Variants in NKAIN2 observed in about 807,000 individuals in gnomAD.
The protein encoded by NKAIN2 is sodium/potassium transporting ATPase interacting 2.
Under a neutral mutation model 32.6 loss-of-function variants are expected in NKAIN2, and 14 were observed. The observed-to-expected ratio is 0.43, with a 90% confidence interval of 0.28 to 0.67. The LOEUF is 0.67. NKAIN2 is among the 30% of genes least tolerant of loss of function. The pLI, the probability that NKAIN2 is intolerant of heterozygous loss-of-function variation, is 0.17. For missense variants in NKAIN2, 198 were observed against 258.3 expected, an observed-to-expected ratio of 0.77 and a Z score of 1.60; for synonymous variants, 80 against 87.2, an observed-to-expected ratio of 0.92 and a Z score of 0.46.
At chr6:124,149,477 G>A (rs1456288620) in intron 1 of NKAIN2, among the ~76,000 whole-genome samples, 1 of 152,142 alleles carries the variant, frequency 6.6e-6, no homozygotes, top group Non-Finnish European at 1.5e-5. Flanking sequence ...AGAGGTCCTG[G>A]TCTAACTGCA....
intron 4 of NKAIN2, among the ~76,000 whole-genome samples, chr6:124,667,347 ATGT>A (rs1259841959): frequency 1.3e-5 from 2 of 152,184 alleles, no homozygotes; most frequent in African/African-American, 2.4e-5. Context: ...TTTGCATACA[ATGT>A]TGTGCAATAA....
At chr6:124,543,781 A>G (rs1344109602) in intron 3 of NKAIN2, among the ~76,000 whole-genome samples, 1 of 152,188 alleles carries the variant, frequency 6.6e-6, no homozygotes, top group Non-Finnish European at 1.5e-5. Flanking sequence ...GGCATCCTCC[A>G]AAACGAGAAG....
intron 3 of NKAIN2, among the ~76,000 whole-genome samples, chr6:124,637,265 C>CA (rs1783807104): frequency 2.0e-5 from 3 of 151,956 alleles, no homozygotes; most frequent in Non-Finnish European, 4.4e-5. Context: ...CAATATAAGA[C>CA]AAAACTACAA....
At chr6:124,814,973 G>C (rs892078354) in intron 5 of NKAIN2, among the ~76,000 whole-genome samples, 3 of 151,756 alleles carry the variant, frequency 2.0e-5, no homozygotes, top group Non-Finnish European at 2.9e-5. Context: ...AGTTTGACTT[G>C]GATCTCAATT....
chr6:124,588,168 T>C (rs1297771826), intron 3 of NKAIN2, among the ~76,000 whole-genome samples: 2 of 152,202 alleles, frequency 1.3e-5, no homozygotes, highest in Admixed American at 6.5e-5. Flanking sequence ...TGTTTAATTA[T>C]TGATGCATAG....
At chr6:123,874,420 C>T (rs765717880) in intron 1 of NKAIN2, among the ~76,000 whole-genome samples, 22 of 151,986 alleles carry the variant, frequency 1.4e-4, no homozygotes, top group African/African-American at 3.9e-4. Flanking sequence ...AGAAGCATGC[C>T]GGCTTGTTTA....
At chr6:124,349,098 C>A (rs570514894) in intron 2 of NKAIN2, among the ~76,000 whole-genome samples, 1 of 152,004 alleles carries the variant, frequency 6.6e-6, no homozygotes, top group East Asian at 1.9e-4. Context: ...AGGAAAAAAC[C>A]GGGTTCTTAT....
chr6:124,171,042 T>G (rs915669960), intron 1 of NKAIN2, among the ~76,000 whole-genome samples: 1 of 152,218 alleles, frequency 6.6e-6, no homozygotes, highest in African/African-American at 2.4e-5. Flanking sequence ...AGGTTTTTTT[T>G]TAGAAAATTT....
In NKAIN2 at chr6:124,748,555, GA is replaced by G. The variant is rs1418776432; in HGVS notation, c.475-42783del. On this transcript the variant is annotated intron_variant, in intron 4 of 6. Transcript: ENST00000368417. ...GTCTTCCCACAAAGGTGATAACAAA[GA>G]TTTTTTTTACAGTTTAAGAGTATCA... 2.6e-5 allele frequency among the ~76,000 whole-genome samples: 4 copies of G among 152,046 alleles called. No individual in the cohort carries two copies. In the South Asian group the frequency reaches 8.3e-4, roughly 31 times the overall value.
intron 3 of NKAIN2, among the ~76,000 whole-genome samples, chr6:124,473,275 A>G (rs1207170581): frequency 6.6e-6 from 1 of 152,114 alleles, no homozygotes; most frequent in Non-Finnish European, 1.5e-5. Flanking sequence ...ATTATGGGAG[A>G]TGAGAGTTGA....
At chr6:124,695,817 C>G (rs1235948056) in intron 4 of NKAIN2, among the ~76,000 whole-genome samples, 2 of 152,104 alleles carry the variant, frequency 1.3e-5, no homozygotes, top group Non-Finnish European at 1.5e-5. Context: ...CTTTTCTCAC[C>G]CATCATAAGG....
At chr6:124,426,721 T>C (rs1405273055) in intron 3 of NKAIN2, among the ~76,000 whole-genome samples, 1 of 152,180 alleles carries the variant, frequency 6.6e-6, no homozygotes, top group Non-Finnish European at 1.5e-5. Context: ...AAATCTCATC[T>C]TGAATTATAG....
At chr6:124,483,619 T>C (rs747613515) in intron 3 of NKAIN2, among the ~76,000 whole-genome samples, 1 of 152,104 alleles carries the variant, frequency 6.6e-6, no homozygotes, top group Non-Finnish European at 1.5e-5. Flanking sequence ...TAAATAAGTA[T>C]GAATAAAAAG....
intron 3 of NKAIN2, among the ~76,000 whole-genome samples, chr6:124,624,579 T>C (rs1423075406): frequency 6.6e-6 from 1 of 152,182 alleles, no homozygotes; most frequent in African/African-American, 2.4e-5. Flanking sequence ...TAAACATTTA[T>C]TTTTCAAAAT....
intron 4 of NKAIN2, among the ~76,000 whole-genome samples, chr6:124,685,596 G>GA (rs1188187522): frequency 6.6e-6 from 1 of 152,030 alleles, no homozygotes; most frequent in Non-Finnish European, 1.5e-5. Context: ...AATGCACAAT[G>GA]AAAAAAATTC....
chr6:124,165,814 A>G (rs1359080300), intron 1 of NKAIN2, among the ~76,000 whole-genome samples: 47 of 143,944 alleles, frequency 3.3e-4, no homozygotes, highest in African/African-American at 9.1e-4. Context: ...ATGATTTCCA[A>G]TTTCATCCAT....
Position 123,804,061 on chromosome 6 carries a change from A to T in NKAIN2, c.-140A>T. ...GTCCTAATGCCTGTCACTTCCCAGG[A>T]CGCTGGCAGCAGCAGCAGCCCGGAG... On this transcript the variant is annotated 5_prime_UTR_variant, in exon 1 of 7. Coordinates refer to ENST00000368417, the MANE Select transcript of NKAIN2 (RefSeq NM_001040214.3). The T allele has an allele frequency of 4.9e-6, 4 of 814,494 alleles. No homozygotes were observed. The South Asian group carries it at 5.6e-5, about 11-fold the overall frequency. 50.5% of individuals were successfully genotyped at this position (814,494 alleles called of 1,614,324 possible).
intron 1 of NKAIN2, among the ~76,000 whole-genome samples, chr6:124,115,824 T>C (rs1785582243): frequency 6.6e-6 from 1 of 151,980 alleles, no homozygotes; most frequent in Non-Finnish European, 1.5e-5. Context: ...AATATTAAAA[T>C]GTGAAAAAAG....
At chr6:124,660,416 G>C (rs911259383) in intron 4 of NKAIN2, among the ~76,000 whole-genome samples, 4 of 152,112 alleles carry the variant, frequency 2.6e-5, no homozygotes, top group African/African-American at 9.7e-5. Flanking sequence ...TTTGGACGTG[G>C]GGGCATATGT....
Sources: allele counts gnomAD v4.1 joint callset (sites outside exome capture counted in the v4.1 genomes callset), GRCh38; gene constraint gnomAD v4.1.1; transcripts MANE v1.5; gene names NCBI Gene and HGNC (gene_info 2026-07-23, HGNC 2026-07-21).